Variants in FYCO1 observed in about 807,000 individuals in gnomAD.
FYCO1 encodes the protein FYVE and coiled-coil domain autophagy adaptor 1, also known as FYVE and coiled-coil domain-containing protein 1.
A neutral mutation model predicts 165.1 loss-of-function variants in FYCO1; 122 were observed. That is an observed-to-expected ratio of 0.74 (90% CI 0.64 to 0.86). The LOEUF (loss-of-function observed/expected upper bound fraction) is 0.86. Ranked by LOEUF, FYCO1 falls within the 40% of genes least tolerant of loss-of-function variation. FYCO1 has a pLI of 0.00. For synonymous variants in FYCO1, 648 were observed against 742.5 expected, an observed-to-expected ratio of 0.87 and a Z score of 2.07; for missense variants, 1,702 against 1,810.3, an observed-to-expected ratio of 0.94 and a Z score of 1.09.
At chr3:45,950,183 G>A (rs541005633) in intron 14 of FYCO1, among the ~76,000 whole-genome samples, 106 of 152,072 alleles carry the variant, frequency 7.0e-4, no homozygotes, top group Non-Finnish European at 1.4e-3. Flanking sequence ...GAGGCCTTGG[G>A]GGAGGGGATG....
At chr3:45,927,418 C>T (rs184988633) in intron 16 of FYCO1, among the ~76,000 whole-genome samples, 5 of 152,264 alleles carry the variant, frequency 3.3e-5, no homozygotes, top group Non-Finnish European at 5.9e-5. Flanking sequence ...CAAATTCAAA[C>T]GTGTGGATCG....
chr3:45,947,121 A>G (rs1263953089), intron 14 of FYCO1: 1 of 1,614,242 alleles, frequency 6.2e-7, no homozygotes, highest in South Asian at 1.1e-5. Context: ...CTATTCAGTC[A>G]TAATCAAAAC....
At chr3:45,976,356 A>T (rs1706757020) in intron 4 of FYCO1, among the ~76,000 whole-genome samples, 2 of 152,242 alleles carry the variant, frequency 1.3e-5, no homozygotes, top group Non-Finnish European at 2.9e-5. Flanking sequence ...AGCTGGGAGC[A>T]TATAATGGCC....
intron 16 of FYCO1, among the ~76,000 whole-genome samples, chr3:45,927,711 G>C (rs1455093657): frequency 6.6e-6 from 1 of 152,312 alleles, no homozygotes; most frequent in African/African-American, 2.4e-5. Flanking sequence ...GGGAGAGTGA[G>C]GGGTTGGTTC....
chr3:45,968,974 A>G (rs1706269733), intron 7 of FYCO1, among the ~76,000 whole-genome samples: 1 of 152,176 alleles, frequency 6.6e-6, no homozygotes, highest in Non-Finnish European at 1.5e-5. Flanking sequence ...AGCCTTATTA[A>G]CTTAATGGAC....
At chr3:45,973,259 G>A in intron 5 of FYCO1, 28 bp from the exon 6 acceptor site, 1 of 1,610,496 alleles carries the variant, frequency 6.2e-7, no homozygotes, top group Non-Finnish European at 8.5e-7. Context: ...AATTATAAGA[G>A]TAATAAAGAT....
Position 45,966,767 on chromosome 3 carries a change from T to A in FYCO1, c.2567A>T (p.Gln856Leu), listed in dbSNP as rs780917047. 1.5e-5 allele frequency: 24 copies of A among 1,610,226 alleles called. No homozygotes were observed. The highest frequency in any genetic ancestry group is 4.2e-6 in the Non-Finnish European group (5 of 1,179,998). The change falls in exon 8 of 18, where the codon CAG (glutamine) becomes CTG (leucine). Residue 856 changes from glutamine to leucine, a missense_variant. By Grantham distance (113) the Gln-to-Leu change is moderately radical. Coordinates refer to ENST00000296137, the MANE Select transcript of FYCO1 (RefSeq NM_024513.4). ...CTGGGCCTCATCGGCCCTCTCCTCC[T>A]GCAGTGCCCCTTCACGCTCCGAGCA... is the stretch of plus-strand genomic sequence containing the variant. ...LQCSEREGAL[Q>L]EERADEAQQR...
At chr3:45,935,202 C>T (rs1703828929) in intron 15 of FYCO1, among the ~76,000 whole-genome samples, 1 of 152,204 alleles carries the variant, frequency 6.6e-6, no homozygotes, top group Admixed American at 6.5e-5. Flanking sequence ...AACACTTGGT[C>T]CAAGGAACAA....
chr3:45,976,896 A>T (rs554891811), intron 4 of FYCO1, among the ~76,000 whole-genome samples: 1 of 152,304 alleles, frequency 6.6e-6, no homozygotes, highest in South Asian at 2.1e-4. Context: ...ACATTTCCCC[A>T]TGTATGTTTT....
chr3:45,987,799 G>A (rs1707378552), intron 1 of FYCO1, among the ~76,000 whole-genome samples: 1 of 152,212 alleles, frequency 6.6e-6, no homozygotes, highest in Non-Finnish European at 1.5e-5. Flanking sequence ...GCTGCGGCCA[G>A]GACAATGAAG....
chr3:45,928,990 T>C (rs565251201), intron 16 of FYCO1, among the ~76,000 whole-genome samples: 260 of 152,338 alleles, frequency 1.7e-3, no homozygotes, highest in Admixed American at 2.2e-3. Flanking sequence ...TCCGTAATCA[T>C]GAAGTCTGAG....
chr3:45,985,014 T>C lies in FYCO1; in HGVS notation c.-104A>G. 1.9e-6 allele frequency: 2 copies of C among 1,034,148 alleles called. No homozygotes were observed. Among genetic ancestry groups the C allele is most frequent in the East Asian group, 2.4e-5 (1 of 42,288 alleles). 64.1% of individuals were successfully genotyped at this position (1,034,148 alleles called of 1,614,324 possible). ...TCTGCTCAGCAGTGGTCAGACTCCA[T>C]GGTGGCACCTGCACAGAGGAAGGGG... On this transcript the variant is annotated 5_prime_UTR_variant, in exon 2 of 18. The change abolishes an upstream ATG in the 5' untranslated region. Coordinates refer to ENST00000296137, the MANE Select transcript of FYCO1 (RefSeq NM_024513.4).
At chr3:45,982,034 T>G (rs1159425575) in intron 2 of FYCO1, among the ~76,000 whole-genome samples, 2 of 152,238 alleles carry the variant, frequency 1.3e-5, no homozygotes, top group Admixed American at 1.3e-4. Context: ...ACCTTTATTC[T>G]AGCCACATTT....
intron 14 of FYCO1, 90 bp downstream of exon 14, chr3:45,955,159 C>T (rs927224407): frequency 6.9e-7 from 1 of 1,446,566 alleles, no homozygotes; most frequent in Non-Finnish European, 9.7e-7. Context: ...ATCCTGCTTC[C>T]AGTGTCTCAC....
rs1274544340 is a variant in FYCO1 at position 45,968,384 on chromosome 3, G to A, written c.950C>T (p.Thr317Ile). Reference protein sequence around the residue: ...ATQNTVKELQTCLQGLELGAA... With the variant: ...ATQNTVKELQICLQGLELGAA... ...TCCTAGCTCCAGGCCCTGCAGGCATGTCTGCAGCTCCTTCACAGTGTTCTG... is the reference window on the plus strand; with the variant it reads ...TCCTAGCTCCAGGCCCTGCAGGCATATCTGCAGCTCCTTCACAGTGTTCTG... Residue 317 changes from threonine to isoleucine, a missense_variant, in exon 8 of 18, where the codon ACA (threonine) becomes ATA (isoleucine). Physicochemically the swap from Thr to Ile is moderately conservative, Grantham distance 89 (BLOSUM62 -1). Transcript: ENST00000296137. 2 of 1,613,630 alleles carry A rather than the reference G, an allele frequency of 1.2e-6. No individual in the cohort carries two copies. The highest frequency in any genetic ancestry group is 1.7e-6 in the Non-Finnish European group (2 of 1,179,916).
At chr3:45,931,975 T>C (rs1353861564) in intron 15 of FYCO1, among the ~76,000 whole-genome samples, 1 of 152,204 alleles carries the variant, frequency 6.6e-6, no homozygotes, top group Non-Finnish European at 1.5e-5. Flanking sequence ...AGTTCCTCTG[T>C]TTTTGGGGTT....
At position 45,921,839 on chromosome 3, in the gene FYCO1, A is replaced by T; in HGVS notation, c.4363T>A (p.Phe1455Ile). The T allele has an allele frequency of 2.5e-6, 4 of 1,604,668 alleles. No homozygotes were observed. The highest frequency in any genetic ancestry group is 3.4e-6 in the Non-Finnish European group (4 of 1,171,456). ...MLIFDNTFSRFVSKKVFYHLT... is the reference protein window; with the variant it reads ...MLIFDNTFSRIVSKKVFYHLT... ...TGATAAAATACCTTTTTAGAGACAA[A>T]CCTGAGGAAACAGAAATGGAAAGGG... The change falls in exon 18 of 18, where the codon TTT becomes ATT. Residue 1455 changes from phenylalanine (F) to isoleucine (I), a missense_variant and splice_region_variant. Transcript: ENST00000296137.
intron 1 of FYCO1, among the ~76,000 whole-genome samples, chr3:45,990,781 CT>C (rs926922619): frequency 2.0e-5 from 3 of 151,732 alleles, no homozygotes; most frequent in East Asian, 1.9e-4. Flanking sequence ...AACAAGAGCA[CT>C]TTTTTTTTGA....
At chr3:45,988,152 G>A (rs1183794753) in intron 1 of FYCO1, among the ~76,000 whole-genome samples, 1 of 152,168 alleles carries the variant, frequency 6.6e-6, no homozygotes, top group Non-Finnish European at 1.5e-5. Flanking sequence ...GGGGTGTGGT[G>A]GGCTTCCCCA....
Sources: allele counts gnomAD v4.1 joint callset (sites outside exome capture counted in the v4.1 genomes callset), GRCh38; gene constraint gnomAD v4.1.1; transcripts MANE v1.5; gene names NCBI Gene and HGNC (gene_info 2026-07-23, HGNC 2026-07-21).